GHR: variants seen among roughly 807,000 people sequenced by gnomAD.
The protein encoded by GHR is growth hormone receptor, also known as GH receptor.
A neutral mutation model predicts 67.1 loss-of-function variants in GHR; 35 were observed. That is an observed-to-expected ratio of 0.52 (90% confidence interval 0.40 to 0.69). The LOEUF is 0.69. Among genes scored for constraint, GHR ranks in the 30% least tolerant of loss-of-function variants. The pLI is 0.00. For missense variants in GHR, 792 were observed against 764.6 expected (o/e 1.04, Z -0.42); for synonymous variants, 272 against 269.1 (o/e 1.01, Z -0.10).
chr5:42,613,483 G>T (rs533414664), intron 2 of GHR, among the ~76,000 whole-genome samples: 1 of 152,182 alleles, frequency 6.6e-6, no homozygotes, highest in Non-Finnish European at 1.5e-5. Flanking sequence ...TTAAGAAAGG[G>T]ACAAATTAAG....
intron 6 of GHR, among the ~76,000 whole-genome samples, chr5:42,705,272 T>G (rs1270182282): frequency 2.0e-5 from 3 of 152,240 alleles, no homozygotes; most frequent in African/African-American, 7.2e-5. Context: ...TCATTTGAGA[T>G]CTTTGTTTTC....
Position 42,599,727 on chromosome 5 carries a change from A to C in GHR, c.71-29311A>C, listed in dbSNP as rs149839055. Among the ~76,000 whole-genome samples the C allele has an allele frequency of 2.1e-3, 316 of 152,196 alleles. 3 individuals are homozygous for C. Among genetic ancestry groups the C allele is most frequent in the African/African-American group, 7.0e-3 (289 of 41,530 alleles). On this transcript the variant is annotated intron_variant, in intron 2 of 9. Transcript: ENST00000230882. Reference sequence around the variant, plus strand: ...AAAAATTTGAAGAATTTAACAACAAAAACAACAACAACAACAACAAACTTT... The same window carrying C: ...AAAAATTTGAAGAATTTAACAACAACAACAACAACAACAACAACAAACTTT...
intron 1 of GHR, among the ~76,000 whole-genome samples, chr5:42,448,555 C>T (rs939628220): frequency 4.9e-4 from 71 of 145,880 alleles, no homozygotes; most frequent in African/African-American, 1.7e-3. Flanking sequence ...TTCTCCCAAT[C>T]GGTGGGTTAT....
chr5:42,429,795 A>G (rs1743011117), intron 1 of GHR, among the ~76,000 whole-genome samples: 1 of 152,224 alleles, frequency 6.6e-6, no homozygotes, highest in Non-Finnish European at 1.5e-5. Context: ...TTGAAACTAC[A>G]TGTTATAGAC....
At chr5:42,466,848 G>A in intron 1 of GHR, 1 of 1,382,290 alleles carries the variant, frequency 7.2e-7, no homozygotes, top group Non-Finnish European at 9.6e-7. Flanking sequence ...GAGGCAGAAG[G>A]TTATGACCAA....
At chr5:42,575,825 A>G (rs1579972463) in intron 2 of GHR, among the ~76,000 whole-genome samples, 2 of 151,260 alleles carry the variant, frequency 1.3e-5, no homozygotes, top group Admixed American at 1.3e-4. Context: ...CGAGAGGTCA[A>G]GAGTTTGAGA....
chr5:42,425,283 C>T (rs1233068236), intron 1 of GHR, among the ~76,000 whole-genome samples: 3 of 152,104 alleles, frequency 2.0e-5, no homozygotes, highest in Non-Finnish European at 4.4e-5. Context: ...TTTCAGGGTG[C>T]TGCTGTCCAC....
intron 1 of GHR, among the ~76,000 whole-genome samples, chr5:42,530,448 T>C (rs1747914751): frequency 6.6e-6 from 1 of 152,156 alleles, no homozygotes; most frequent in African/African-American, 2.4e-5. Flanking sequence ...AAGTTACCAA[T>C]TGAGTTAAAG....
chr5:42,688,708 A>G (rs1206300314), intron 3 of GHR, among the ~76,000 whole-genome samples, 182 bp from the exon 4 acceptor site: 1 of 152,246 alleles, frequency 6.6e-6, no homozygotes, highest in Non-Finnish European at 1.5e-5. Flanking sequence ...ATGGCAAGCA[A>G]CAGGCACTAA....
At chr5:42,664,660 T>A (rs1165389709) in intron 3 of GHR, among the ~76,000 whole-genome samples, 1 of 152,150 alleles carries the variant, frequency 6.6e-6, no homozygotes, top group Admixed American at 6.5e-5. Context: ...AACCTAGGCA[T>A]TATCATTCAG....
intron 3 of GHR, among the ~76,000 whole-genome samples, chr5:42,661,624 C>A (rs1755631104): frequency 6.6e-6 from 1 of 152,160 alleles, no homozygotes; most frequent in African/African-American, 2.4e-5. Context: ...TGGAAAGGAA[C>A]AACAGGTACC....
At chr5:42,665,066 T>C (rs1175349622) in intron 3 of GHR, among the ~76,000 whole-genome samples, 2 of 152,214 alleles carry the variant, frequency 1.3e-5, no homozygotes, top group Non-Finnish European at 2.9e-5. Context: ...CACCAGTTGT[T>C]AGAATGGCGA....
chr5:42,672,920 G>C (rs988157194), intron 3 of GHR, among the ~76,000 whole-genome samples: 2 of 152,024 alleles, frequency 1.3e-5, no homozygotes, highest in African/African-American at 4.8e-5. Context: ...AAACTGACAA[G>C]TTTTTCTGTG....
chr5:42,505,963 T>C (rs998895961), intron 1 of GHR, among the ~76,000 whole-genome samples: 12 of 152,212 alleles, frequency 7.9e-5, no homozygotes, highest in Non-Finnish European at 1.8e-4. Context: ...CCAAATTCCA[T>C]GGTATTTTGA....
chr5:42,465,709 A>G, intron 1 of GHR: 2 of 887,862 alleles, frequency 2.3e-6, no homozygotes, highest in Non-Finnish European at 3.9e-6. Context: ...GTGAAAAAAA[A>G]GATCTATCAC....
At chr5:42,499,318 T>G (rs1746441977) in intron 1 of GHR, among the ~76,000 whole-genome samples, 1 of 152,180 alleles carries the variant, frequency 6.6e-6, no homozygotes, top group Non-Finnish European at 1.5e-5. Flanking sequence ...GAACCACAAG[T>G]TGACTACTGT....
At chr5:42,517,505 G>A (rs982918466) in intron 1 of GHR, among the ~76,000 whole-genome samples, 3 of 152,124 alleles carry the variant, frequency 2.0e-5, no homozygotes, top group African/African-American at 7.2e-5. Context: ...TAAGTCAAAA[G>A]GGAATAGCAT....
intron 2 of GHR, among the ~76,000 whole-genome samples, chr5:42,600,755 G>GTCC (rs1009636298): frequency 1.3e-5 from 2 of 152,126 alleles, no homozygotes; most frequent in Admixed American, 1.3e-4. Flanking sequence ...AATCAAGCAA[G>GTCC]TCCTAGCCTA....
rs1033209852 is a variant in GHR at position 42,423,878 on chromosome 5, G to T, written c.-89G>T. On this transcript the variant is annotated 5_prime_UTR_variant, in exon 1 of 10. Transcript: ENST00000230882. ...GGCGGGGACCCCGGGCTGGGGCCACGCGGGCCGGAGGCCCCGGCACCATTG... is the reference window on the plus strand; with the variant it reads ...GGCGGGGACCCCGGGCTGGGGCCACTCGGGCCGGAGGCCCCGGCACCATTG... 7.7e-5 allele frequency: 12 copies of T among 156,606 alleles called. No homozygotes were observed. Among genetic ancestry groups the T allele is most frequent in the Non-Finnish European group, 1.5e-4 (11 of 71,142 alleles). The allele number at this position is 156,606 out of a possible 1,614,324, so 9.7% of individuals were successfully genotyped here.
Sources: allele counts gnomAD v4.1 joint callset (sites outside exome capture counted in the v4.1 genomes callset), GRCh38; gene constraint gnomAD v4.1.1; transcripts MANE v1.5; gene names NCBI Gene and HGNC (gene_info 2026-07-23, HGNC 2026-07-21).